Variants in CEP290 observed in about 807,000 individuals in gnomAD.
The protein encoded by CEP290 is centrosomal protein of 290 kDa.
A neutral mutation model predicts 344.9 loss-of-function variants in CEP290; 317 were observed. The observed-to-expected ratio is 0.92, with a 90% confidence interval of 0.84 to 1.01. The LOEUF (loss-of-function observed/expected upper bound fraction) is 1.01, where lower values mean the gene tolerates loss of function less well. CEP290 is among the 50% of genes least tolerant of loss of function. The pLI is 0.00. For missense variants in CEP290, 2,754 were observed against 2,761.4 expected (o/e 1.00, Z 0.06); for synonymous variants, 932 against 895.8 (o/e 1.04, Z -0.72).
At position 88,064,060 on chromosome 12, in the gene CEP290, T is replaced by C. The variant is rs987259388; in HGVS notation, c.6191A>G (p.Glu2064Gly). The C allele has an allele frequency of 5.7e-6, 9 of 1,590,198 alleles. 1 individual carries two copies. In the Admixed American group the frequency reaches 1.6e-4, roughly 28 times the overall value. Residue 2064 changes from glutamate (E) to glycine (G), a missense_variant, in exon 45 of 54, where the codon GAA becomes GGA. Transcript: ENST00000552810. ...HCQREQELQK[E>G]NLKLSSENIE... ...ATTTTCAGATGACAACTTCAAGTTT[T>C]CCTTCTGAAGCTCCTGTTCTCTCTG...
In CEP290 at chr12:88,091,455, C is replaced by A. The variant is rs572163352; in HGVS notation, c.3462-616G>T. ...TGGTAATAAGTCCTTCAAATTCCCT[C>A]ATGAATACTGTGATAAGCTAATACA... On this transcript the variant is annotated intron_variant, in intron 29 of 53. Coordinates refer to ENST00000552810, the MANE Select transcript of CEP290 (RefSeq NM_025114.4). 2.2e-3 allele frequency among the ~76,000 whole-genome samples: 328 copies of A among 150,608 alleles called. 3 individuals carry two copies. The highest frequency in any genetic ancestry group is 7.4e-3 in the African/African-American group (305 of 41,122).
rs1325567952 is a variant in CEP290, at chr12:88,051,380, G to T, written c.7130-947C>A. Among the ~76,000 whole-genome samples the T allele has an allele frequency of 2.6e-5, 4 of 151,902 alleles. No homozygotes were observed. In the East Asian group the frequency reaches 7.8e-4, roughly 29 times the overall value. On this transcript the variant is annotated intron_variant, in intron 52 of 53. Coordinates refer to ENST00000552810, the MANE Select transcript of CEP290 (RefSeq NM_025114.4). ...TGCCTGGCTAATTTTTATATTTTTAGTAGAGACAGGGTTTCACCATGTTGG... is the reference window on the plus strand; with the variant it reads ...TGCCTGGCTAATTTTTATATTTTTATTAGAGACAGGGTTTCACCATGTTGG...
chr12:88,128,817 T>TAAAC, intron 11 of CEP290, 129 bp downstream of exon 11: 1 of 531,532 alleles, frequency 1.9e-6, no homozygotes. Context: ...ATAAATAAAA[T>TAAAC]AAACTTATGT....
At chr12:88,110,944 G>A (rs2038644707) in intron 22 of CEP290, among the ~76,000 whole-genome samples, 1 of 152,010 alleles carries the variant, frequency 6.6e-6, no homozygotes, top group South Asian at 2.1e-4. Context: ...GCAGATGAAT[G>A]GAATGAATGG....
chr12:88,064,727 A>G (rs932340894), intron 44 of CEP290, among the ~76,000 whole-genome samples: 3 of 152,132 alleles, frequency 2.0e-5, no homozygotes, highest in African/African-American at 7.2e-5. Flanking sequence ...GAGGATTGGG[A>G]AAGATCTTTC....
At chr12:88,076,778 A>G (rs1485323464) in intron 41 of CEP290, among the ~76,000 whole-genome samples, 1 of 152,088 alleles carries the variant, frequency 6.6e-6, no homozygotes, top group East Asian at 1.9e-4. Context: ...CTGAAATAAC[A>G]GCCTAGTCTC....
In CEP290 at chr12:88,053,655, G is replaced by T; in HGVS notation, c.7126C>A (p.Pro2376Thr). ...KDQSGAESTI[P>T]DADQLKEKIK... ...CATGTTTTTTAAAATACATTACCAG[G>T]TATGGTGCTTTCAGCTCCACTTTGG... The change falls in exon 52 of 54, where the codon CCT (proline) becomes ACT (threonine). Residue 2376 changes from proline to threonine, a missense_variant. By Grantham distance (38) the Pro-to-Thr change is conservative. Coordinates refer to ENST00000552810, the MANE Select transcript of CEP290 (RefSeq NM_025114.4). The T allele has an allele frequency of 6.8e-7, 1 of 1,476,120 alleles. No individual in the cohort carries two copies. The highest frequency in any genetic ancestry group is 9.3e-7 in the Non-Finnish European group (1 of 1,080,696). 91.4% of individuals were successfully genotyped at this position (1,476,120 alleles called of 1,614,324 possible).
intron 32 of CEP290, among the ~76,000 whole-genome samples, 163 bp downstream of exon 32, chr12:88,087,617 G>T (rs1194507211): frequency 6.6e-6 from 1 of 151,278 alleles, no homozygotes; most frequent in East Asian, 1.9e-4. Flanking sequence ...CTACTTGGGA[G>T]GCTGAGGCAG....
intron 26 of CEP290, 44 bp from the exon 27 acceptor site, chr12:88,097,043 A>G: frequency 1.1e-6 from 1 of 925,886 alleles, no homozygotes; most frequent in Non-Finnish European, 1.7e-6. Context: ...ATTGTAATTC[A>G]GACCAATACC....
At chr12:88,076,621 G>GTTTA (rs79252345) in intron 41 of CEP290, among the ~76,000 whole-genome samples, 1 of 151,644 alleles carries the variant, frequency 6.6e-6, no homozygotes, top group Non-Finnish European at 1.5e-5. Context: ...TTTTTTTGGG[G>GTTTA]TTATTTCAAT....
chr12:88,083,899 C>T lies in CEP290; in HGVS notation c.4760G>A (p.Arg1587Lys). The change falls in exon 36 of 54, where the codon AGA becomes AAA. Residue 1587 changes from arginine (R) to lysine (K), a missense_variant. Coordinates refer to ENST00000552810, the MANE Select transcript of CEP290 (RefSeq NM_025114.4). Reference sequence around the variant, plus strand: ...TGAACTATCAGCCTGTAGTTCTAATCTGTGATGAAGAATATGAAGGTCTTC... The same window carrying T: ...TGAACTATCAGCCTGTAGTTCTAATTTGTGATGAAGAATATGAAGGTCTTC... ...HEEDLHILHH[R>K]LELQADSSLN... 2 of 1,600,298 alleles carry T rather than the reference C, an allele frequency of 1.2e-6. No individual in the cohort carries two copies. Among genetic ancestry groups the T allele is most frequent in the Non-Finnish European group, 1.7e-6 (2 of 1,173,328 alleles).
chr12:88,103,048 C>T (rs535279497), intron 25 of CEP290, 37 bp from the exon 26 acceptor site: 2 of 1,399,342 alleles, frequency 1.4e-6, no homozygotes, highest in Non-Finnish European at 9.4e-7. Flanking sequence ...ATGCTGGTGT[C>T]TTTTTTTCTG....
At chr12:88,074,407 C>T (rs2035605494) in intron 41 of CEP290, among the ~76,000 whole-genome samples, 1 of 152,114 alleles carries the variant, frequency 6.6e-6, no homozygotes. Flanking sequence ...TTTATCCCAC[C>T]TGGCATTACT....
intron 29 of CEP290, among the ~76,000 whole-genome samples, chr12:88,091,233 T>C (rs1024705227): frequency 1.3e-5 from 2 of 152,156 alleles, no homozygotes; most frequent in African/African-American, 2.4e-5. Context: ...ATTTGGAATA[T>C]GCTAGGATAA....
At chr12:88,137,320 A>T (rs906368071) in intron 5 of CEP290, among the ~76,000 whole-genome samples, 1 of 152,136 alleles carries the variant, frequency 6.6e-6, no homozygotes, top group Non-Finnish European at 1.5e-5. Context: ...TGAAGAACTA[A>T]ATTTTTCATT....
rs1383687911 is a variant in CEP290, at chr12:88,107,007, T to C, written c.2575A>G (p.Lys859Glu). 1.3e-6 allele frequency: 2 copies of C among 1,546,466 alleles called. No homozygotes were observed. The highest frequency in any genetic ancestry group is 1.4e-5 in the African/African-American group (1 of 72,738). Residue 859 changes from lysine (K) to glutamate (E), a missense_variant, in exon 24 of 54, where the codon AAA (lysine) becomes GAA (glutamate). Physicochemically the swap from Lys to Glu is moderately conservative, Grantham distance 56. Coordinates refer to ENST00000552810, the MANE Select transcript of CEP290 (RefSeq NM_025114.4). ...DQVQQDAIKV[K>E]EYNNLLNALQ... Reference sequence around the variant, plus strand: ...AATGTTTTACTTACATTATATTCTTTTACTTTTATAGCATCTTGTTGGACT... The same window carrying C: ...AATGTTTTACTTACATTATATTCTTCTACTTTTATAGCATCTTGTTGGACT...
At chr12:88,083,499 A>G (rs545967683) in intron 36 of CEP290, among the ~76,000 whole-genome samples, 64 of 152,330 alleles carry the variant, frequency 4.2e-4, no homozygotes, top group African/African-American at 1.3e-3. Context: ...AAGGTTACAC[A>G]TTAAAAGATG....
chr12:88,089,253 G>A lies in CEP290; in HGVS notation c.3808C>T (p.Leu1270=), dbSNP rs776991513. ...AAAGCTCCACTAAACTGTCGTCGTA[G>A]AGACTGAATTGTTTGGCGCAGATGT... ...AKHLRQTIQS[L]RRQFSGALPL... Residue 1270 remains leucine, a synonymous_variant, in exon 31 of 54, where the codon CTA becomes TTA. Transcript: ENST00000552810. 1.2e-6 allele frequency: 2 copies of A among 1,613,828 alleles called. No individual in the cohort carries two copies. The highest frequency in any genetic ancestry group is 2.7e-5 in the African/African-American group (2 of 74,918).
At position 88,079,100 on chromosome 12, in the gene CEP290, C is replaced by G. The variant is rs768888441; in HGVS notation, c.5356G>C (p.Glu1786Gln). ...CACGTGTTGATGTTCACCTTTAGCT[C>G]TCTAGTATGTCGATCAACGATTTGT... ...VQQIVDRHTR[E>Q]LKTQVEDLNE... The change falls in exon 39 of 54, where the codon GAG becomes CAG. Residue 1786 changes from glutamate to glutamine, a missense_variant. Physicochemically the swap from Glu to Gln is conservative, Grantham distance 29 (BLOSUM62 2). Coordinates refer to ENST00000552810, the MANE Select transcript of CEP290 (RefSeq NM_025114.4). The G allele has an allele frequency of 1.3e-6, 2 of 1,578,054 alleles. No homozygotes were observed. Among genetic ancestry groups the G allele is most frequent in the Non-Finnish European group, 1.7e-6 (2 of 1,167,470 alleles).
Sources: gnomAD v4.1 joint callset for allele counts (sites outside exome capture counted in the v4.1 genomes callset) on GRCh38, gnomAD v4.1.1 for gene constraint, MANE v1.5 for transcripts, NCBI Gene and HGNC (gene_info 2026-07-23, HGNC 2026-07-21) for gene names.